Variants in DIPK1C observed in about 807,000 individuals in gnomAD.
DIPK1C encodes the protein familial non-conventional Alzheimer's dementia.
In DIPK1C, 33 loss-of-function variants were observed where a neutral mutation model predicts 28.0. The observed-to-expected ratio is 1.18, with a 90% CI of 0.89 to 1.58. The LOEUF (loss-of-function observed/expected upper bound fraction) is 1.58. Ranked by LOEUF, DIPK1C falls within the 40% of genes most tolerant of loss-of-function variation. DIPK1C has a pLI of 0.00. For synonymous variants in DIPK1C, 255 were observed against 248.8 expected (o/e 1.02, Z -0.23); for missense variants, 569 against 568.5 (o/e 1.00, Z -0.01).
intron 3 of DIPK1C, among the ~76,000 whole-genome samples, chr18:74,438,031 A>G (rs1042713793): frequency 6.6e-6 from 1 of 152,200 alleles, no homozygotes; most frequent in African/African-American, 2.4e-5. Context: ...AGCTGGGACT[A>G]CAAGGGCATA....
At chr18:74,455,811 G>T (rs906264224) in intron 1 of DIPK1C, among the ~76,000 whole-genome samples, 2 of 151,866 alleles carry the variant, frequency 1.3e-5, no homozygotes, top group Admixed American at 1.3e-4. Flanking sequence ...ACTAGAAGGG[G>T]TCAATAGAAT....
At chr18:74,451,920 C>A (rs1257063080) in intron 1 of DIPK1C, among the ~76,000 whole-genome samples, 1 of 152,192 alleles carries the variant, frequency 6.6e-6, no homozygotes, top group Admixed American at 6.5e-5. Context: ...GTTGAAAATG[C>A]GTTTCATACA....
intron 3 of DIPK1C, among the ~76,000 whole-genome samples, chr18:74,436,999 T>C (rs974786838): frequency 6.6e-6 from 1 of 151,336 alleles, no homozygotes; most frequent in Non-Finnish European, 1.5e-5. Context: ...ATGGACAAAG[T>C]TCTGGGTGAC....
intron 1 of DIPK1C, among the ~76,000 whole-genome samples, chr18:74,451,703 G>GA (rs1986401402): frequency 6.6e-6 from 1 of 152,192 alleles, no homozygotes; most frequent in Admixed American, 6.5e-5. Flanking sequence ...CCTGCTTCTT[G>GA]CGGCGACACT....
chr18:74,452,934 C>T (rs564873425), intron 1 of DIPK1C, among the ~76,000 whole-genome samples: 16 of 151,878 alleles, frequency 1.1e-4, no homozygotes, highest in East Asian at 7.7e-4. Context: ...CAAATGTGTG[C>T]GCATATAAAA....
Position 74,437,538 on chromosome 18 carries a change from T to C in DIPK1C, c.1042-819A>G, listed in dbSNP as rs149452056. 3.6e-3 allele frequency among the ~76,000 whole-genome samples: 543 copies of C among 152,312 alleles called. 2 individuals carry two copies. Among genetic ancestry groups the C allele is most frequent in the African/African-American group, 0.013 (522 of 41,550 alleles). On this transcript the variant is annotated intron_variant, in intron 3 of 3. Transcript: ENST00000343998. ...TGCTTTATTTCTCTACATCACACTT[T>C]ATATCAGACTCAATTAACAAATGCC...
At chr18:74,463,126 A>C in the DIPK1C span, among the ~76,000 whole-genome samples, 1 of 152,194 alleles carries the variant, frequency 6.6e-6, no homozygotes, top group Non-Finnish European at 1.5e-5. Context: ...TGGGGATTCC[A>C]GCTCCCGGAG....
chr18:74,456,465 T>A (rs1389662735), intron 1 of DIPK1C, among the ~76,000 whole-genome samples: 1 of 152,180 alleles, frequency 6.6e-6, no homozygotes, highest in Non-Finnish European at 1.5e-5. Context: ...CGCTCTCTGC[T>A]CGCCCGAGCG....
intron 3 of DIPK1C, among the ~76,000 whole-genome samples, chr18:74,438,682 T>G (rs1353713937): frequency 6.6e-6 from 1 of 152,256 alleles, no homozygotes; most frequent in East Asian, 1.9e-4. Flanking sequence ...TAGATACTCT[T>G]TATATCTTAA....
rs1199646736 is a variant in DIPK1C at position 74,436,114 on chromosome 18, A to G, written c.*387T>C. On this transcript the variant is annotated 3_prime_UTR_variant, in exon 4 of 4. Transcript: ENST00000343998. ...GCACCCAGACACAGGCATACACATCATTTGTATGCACACACGCACACTTTT... is the reference window on the plus strand; with the variant it reads ...GCACCCAGACACAGGCATACACATCGTTTGTATGCACACACGCACACTTTT... The G allele has an allele frequency of 4.2e-6, 1 of 239,468 alleles. No homozygotes were observed. The highest frequency in any genetic ancestry group is 8.2e-6 in the Non-Finnish European group (1 of 121,788). 14.8% of individuals were successfully genotyped at this position (239,468 alleles called of 1,614,324 possible).
the DIPK1C span, among the ~76,000 whole-genome samples, chr18:74,463,012 G>A: frequency 6.6e-6 from 1 of 152,170 alleles, no homozygotes; most frequent in Non-Finnish European, 1.5e-5. Flanking sequence ...TGACCTAGTG[G>A]CAAGAGCCTG....
At chr18:74,457,482 G>T (rs568901381), upstream of DIPK1C, among the ~76,000 whole-genome samples, 16 of 152,130 alleles carry the variant, frequency 1.1e-4, no homozygotes, top group South Asian at 2.1e-3. Flanking sequence ...TCCACTCGCC[G>T]CATCCCCTGC....
rs1740709689 is a variant in DIPK1C at position 74,446,964 on chromosome 18, G to A, written c.518C>T (p.Pro173Leu). ...CCGCCAGCGTGGGCCCCGCCTGCCCGGCCACCACGGCCCCAGGCTGCTGTT... is the reference window on the plus strand; with the variant it reads ...CCGCCAGCGTGGGCCCCGCCTGCCCAGCCACCACGGCCCCAGGCTGCTGTT... Reference protein sequence around the residue: ...LSNSSLGPWWPGRRGPRWRGQ... With the variant: ...LSNSSLGPWWLGRRGPRWRGQ... The change falls in exon 2 of 4, where the codon CCG (proline) becomes CTG (leucine). Residue 173 changes from proline to leucine, a missense_variant. By Grantham distance (98) the Pro-to-Leu change is moderately conservative. Coordinates refer to ENST00000343998, the MANE Select transcript of DIPK1C (RefSeq NM_001044369.3). The A allele has an allele frequency of 8.6e-6, 13 of 1,507,836 alleles. No individual in the cohort carries two copies. The highest frequency in any genetic ancestry group is 2.5e-5 in the East Asian group (1 of 40,364). The allele number at this position is 1,507,836 out of a possible 1,614,324, so 93.4% of individuals were successfully genotyped here.
upstream of DIPK1C, among the ~76,000 whole-genome samples, chr18:74,458,700 C>G (rs561569008): frequency 3.4e-4 from 31 of 92,116 alleles, no homozygotes; most frequent in African/African-American, 1.3e-3. Flanking sequence ...AGCTTCCCCC[C>G]ACCTCCATCC....
upstream of DIPK1C, among the ~76,000 whole-genome samples, chr18:74,459,971 C>T (rs1986592552): frequency 6.6e-6 from 1 of 152,196 alleles, no homozygotes; most frequent in African/African-American, 2.4e-5. Context: ...TCAGGCAGCC[C>T]AGGCCCCAAC....
rs1376549704 is a variant in DIPK1C at position 74,457,273 on chromosome 18, C to G, written c.-14G>C. On this transcript the variant is annotated 5_prime_UTR_variant, in exon 1 of 4. Transcript: ENST00000343998. Reference sequence around the variant, plus strand: ...CGCCCGCGCCATGGCCAGCCCTGCCCGCGCCCGGGCCCCACCGCCGCCCGC... The same window carrying G: ...CGCCCGCGCCATGGCCAGCCCTGCCGGCGCCCGGGCCCCACCGCCGCCCGC... 7.1e-4 allele frequency: 696 copies of G among 986,418 alleles called. 1 individual carries two copies. The highest frequency in any genetic ancestry group is 7.9e-4 in the Non-Finnish European group (661 of 831,540). 61.1% of individuals were successfully genotyped at this position (986,418 alleles called of 1,614,324 possible). A position where few individuals can be genotyped will look rare whatever the true frequency, so the allele number is the denominator to read the frequency against.
intron 2 of DIPK1C, among the ~76,000 whole-genome samples, chr18:74,442,691 C>T (rs1466295626): frequency 6.6e-6 from 1 of 152,232 alleles, no homozygotes; most frequent in Non-Finnish European, 1.5e-5. Flanking sequence ...GCAAAAAGGA[C>T]CTCTGCAGCC....
upstream of DIPK1C, among the ~76,000 whole-genome samples, chr18:74,461,344 T>TTTCCTTCCTTCCTTCC (rs35281614): frequency 3.2e-3 from 375 of 118,456 alleles, 2 homozygotes; most frequent in African/African-American, 0.011. Flanking sequence ...TCCTTCCTTC[T>TTTCCTTCCTTCCTTCC]TTCCTTCCTT....
intron 1 of DIPK1C, among the ~76,000 whole-genome samples, chr18:74,451,704 C>A (rs540041609): frequency 2.0e-5 from 3 of 152,182 alleles, no homozygotes; most frequent in African/African-American, 7.2e-5. Context: ...CTGCTTCTTG[C>A]GGCGACACTG....
Sources: allele counts gnomAD v4.1 joint callset (sites outside exome capture counted in the v4.1 genomes callset), GRCh38; gene constraint gnomAD v4.1.1; transcripts MANE v1.5; gene names NCBI Gene and HGNC (gene_info 2026-07-23, HGNC 2026-07-21).